The following DAGLA variants were observed in gnomAD, a reference collection of about 807,000 sequenced individuals.
DAGLA encodes the protein diacylglycerol lipase-alpha.
DAGLA carries 22 observed loss-of-function variants against 102.6 expected under a neutral mutation model. That is an observed-to-expected ratio of 0.21 (90% confidence interval 0.15 to 0.31). The LOEUF (loss-of-function observed/expected upper bound fraction) is 0.31, where lower values mean the gene tolerates loss of function less well. Ranked by LOEUF, DAGLA falls within the 10% of genes least tolerant of loss-of-function variation. The pLI, the probability that DAGLA is intolerant of heterozygous loss-of-function variation, is 1.00. For synonymous variants in DAGLA, 578 were observed against 628.9 expected, an observed-to-expected ratio of 0.92 and a Z score of 1.21; for missense variants, 927 against 1,446.6, an observed-to-expected ratio of 0.64 and a Z score of 5.83.
intron 8 of DAGLA, among the ~76,000 whole-genome samples, chr11:61,730,750 C>G (rs758193417): frequency 1.3e-5 from 2 of 152,162 alleles, no homozygotes; most frequent in African/African-American, 2.4e-5. Flanking sequence ...AGCCCCTGCC[C>G]GGAGCCCTGG....
At chr11:61,704,346 C>T (rs1267281101) in intron 1 of DAGLA, among the ~76,000 whole-genome samples, 1 of 152,166 alleles carries the variant, frequency 6.6e-6, no homozygotes, top group East Asian at 1.9e-4. Flanking sequence ...TCTCGAACTC[C>T]TGACCTCAGG....
chr11:61,728,054 C>T, intron 6 of DAGLA, 99 bp from the exon 7 acceptor site: 1 of 1,428,022 alleles, frequency 7.0e-7, no homozygotes, highest in Non-Finnish European at 9.7e-7. Context: ...GAGCAGACAC[C>T]TGCTTCTGCA....
chr11:61,741,436 A>C (rs1301864673), intron 19 of DAGLA, 87 bp downstream of exon 19: 2 of 1,426,474 alleles, frequency 1.4e-6, no homozygotes, highest in Non-Finnish European at 1.9e-6. Flanking sequence ...TTGTGCATGC[A>C]CTGGGCTCAG....
chr11:61,737,566 G>A, intron 14 of DAGLA, 121 bp from the exon 15 acceptor site: 1 of 1,112,456 alleles, frequency 9.0e-7, no homozygotes, highest in Non-Finnish European at 1.4e-6. Context: ...CCACCAGCCA[G>A]CTCCCCGGGA....
At chr11:61,690,570 G>A (rs1158718834) in intron 1 of DAGLA, among the ~76,000 whole-genome samples, 1 of 152,156 alleles carries the variant, frequency 6.6e-6, no homozygotes, top group African/African-American at 2.4e-5. Flanking sequence ...TCTGTGCTCA[G>A]GACAGTCCCA....
chr11:61,690,623 A>G (rs2065016135), intron 1 of DAGLA, among the ~76,000 whole-genome samples: 1 of 152,148 alleles, frequency 6.6e-6, no homozygotes, highest in Non-Finnish European at 1.5e-5. Context: ...CAGGGGTCCA[A>G]GTCTAGGACC....
chr11:61,740,468 G>A lies in DAGLA; in HGVS notation c.1859G>A (p.Cys620Tyr), dbSNP rs950787400. 2.5e-6 allele frequency: 4 copies of A among 1,613,576 alleles called. No individual in the cohort carries two copies. Among genetic ancestry groups the A allele is most frequent in the Non-Finnish European group, 3.4e-6 (4 of 1,179,894 alleles). Residue 620 changes from cysteine (C) to tyrosine (Y), a missense_variant, in exon 18 of 20, where the codon TGT becomes TAT. Physicochemically the swap from Cys to Tyr is radical, Grantham distance 194. This residue lies in a region of DAGLA where 218 missense variants were observed against 459.6 expected (regional missense o/e 0.47). Coordinates refer to ENST00000257215, the MANE Select transcript of DAGLA (RefSeq NM_006133.3). Reference protein sequence around the residue: ...HNHPAEQCCCCEQEEPTYFAI... With the variant: ...HNHPAEQCCCYEQEEPTYFAI... The stretch of plus-strand genomic sequence containing the variant: ...TCTGTCCATGTCCCTCTCAGCTGCT[G>A]TGAGCAGGAGGAGCCCACATACTTT...
intron 6 of DAGLA, 101 bp from the exon 7 acceptor site, chr11:61,728,051 CA>C: frequency 1.4e-6 from 2 of 1,389,498 alleles, no homozygotes; most frequent in East Asian, 4.6e-5. Context: ...CCCGAGCAGA[CA>C]CCTGCTTCTG....
chr11:61,706,760 T>G (rs2065153828), intron 1 of DAGLA, among the ~76,000 whole-genome samples: 1 of 151,866 alleles, frequency 6.6e-6, no homozygotes, highest in African/African-American at 2.4e-5. Flanking sequence ...CCCCAGAGTC[T>G]TCCTAGGACT....
In DAGLA at chr11:61,728,382, C is replaced by T. The variant is rs1409335415; in HGVS notation, c.771+95C>T. ...GCCCCTGCAGCGGAGGGCTCGGCTC[C>T]CACGCAGCTCCCCAGTGACCACGCA... is the stretch of plus-strand genomic sequence containing the variant. On this transcript the variant is annotated intron_variant, in intron 7 of 19. Coordinates refer to ENST00000257215, the MANE Select transcript of DAGLA (RefSeq NM_006133.3). 9 of 1,482,162 alleles carry T rather than the reference C, an allele frequency of 6.1e-6. No individual in the cohort carries two copies. The East Asian group carries it at 1.8e-4, about 30-fold the overall frequency. 91.8% of individuals were successfully genotyped at this position (1,482,162 alleles called of 1,614,324 possible).
At chr11:61,697,949 T>G (rs1431863704) in intron 1 of DAGLA, among the ~76,000 whole-genome samples, 2 of 152,182 alleles carry the variant, frequency 1.3e-5, no homozygotes, top group East Asian at 3.9e-4. Flanking sequence ...CCTCCTCCCC[T>G]GGGAGTCATG....
At chr11:61,683,628 C>T (rs964330788) in intron 1 of DAGLA, among the ~76,000 whole-genome samples, 2 of 152,044 alleles carry the variant, frequency 1.3e-5, no homozygotes, top group African/African-American at 4.8e-5. Context: ...TTTCAGCCAC[C>T]CTTTGCCTTC....
chr11:61,721,191 C>T (rs370805598), intron 3 of DAGLA, among the ~76,000 whole-genome samples: 14 of 152,014 alleles, frequency 9.2e-5, no homozygotes, highest in African/African-American at 2.7e-4. Context: ...GTCAGGAGTT[C>T]GAGACCAGCC....
chr11:61,726,142 C>A, intron 6 of DAGLA, 60 bp downstream of exon 6: 1 of 1,516,548 alleles, frequency 6.6e-7, no homozygotes, highest in Non-Finnish European at 9.1e-7. Flanking sequence ...GATTAAGGGG[C>A]TGTTGGCTCC....
chr11:61,709,395 C>T (rs2065175565), intron 1 of DAGLA, among the ~76,000 whole-genome samples: 1 of 152,168 alleles, frequency 6.6e-6, no homozygotes, highest in South Asian at 2.1e-4. Context: ...AGGCATGCAC[C>T]ACCACGCCCC....
intron 6 of DAGLA, among the ~76,000 whole-genome samples, chr11:61,727,500 A>C (rs775166825): frequency 1.3e-5 from 2 of 152,212 alleles, no homozygotes; most frequent in Non-Finnish European, 2.9e-5. Flanking sequence ...CAGGAAGGGA[A>C]GACTAAGAGG....
intron 1 of DAGLA, among the ~76,000 whole-genome samples, chr11:61,702,869 A>G (rs929232909): frequency 6.6e-6 from 1 of 152,232 alleles, no homozygotes; most frequent in Non-Finnish European, 1.5e-5. Flanking sequence ...CAAATCACCC[A>G]CAGCCCCTTC....
intron 1 of DAGLA, among the ~76,000 whole-genome samples, chr11:61,693,049 TG>T (rs767678875): frequency 6.6e-6 from 1 of 151,664 alleles, no homozygotes; most frequent in Non-Finnish European, 1.5e-5. Context: ...AGTCTCACTC[TG>T]TTGCCCAGGC....
At chr11:61,735,909 G>A (rs198446) in intron 12 of DAGLA, 93 bp downstream of exon 12, 302,939 of 1,225,560 alleles carry the variant, frequency 0.25, 38,969 homozygotes, top group East Asian at 0.43. Flanking sequence ...CTCCCTGCTC[G>A]CTGGGCTCAC....
Sources: allele counts gnomAD v4.1 joint callset (sites outside exome capture counted in the v4.1 genomes callset), GRCh38; gene constraint gnomAD v4.1.1; regional missense constraint gnomAD v4.1.1; transcripts MANE v1.5; gene names NCBI Gene and HGNC (gene_info 2026-07-23, HGNC 2026-07-21).